SDHB: variants seen among roughly 807,000 people sequenced by gnomAD.
The protein encoded by SDHB is succinate dehydrogenase [ubiquinone] iron-sulfur subunit, mitochondrial.
Under a neutral mutation model 39.7 loss-of-function variants are expected in SDHB, and 21 were observed. That is an observed-to-expected ratio of 0.53 (90% CI 0.37 to 0.76). The LOEUF (loss-of-function observed/expected upper bound fraction) is 0.76, where lower values mean the gene tolerates loss of function less well. SDHB is among the 30% of genes least tolerant of loss of function. SDHB has a pLI of 0.00. For missense variants in SDHB, 343 were observed against 350.9 expected (o/e 0.98, Z 0.18); for synonymous variants, 118 against 117.0 (o/e 1.01, Z -0.06).
chr1:17,027,622 G>T lies in SDHB; in HGVS notation c.540+127C>A, dbSNP rs1348459415. On this transcript the variant is annotated intron_variant, in intron 5 of 7. Transcript: ENST00000375499. ...CTAAGAGGATGAGTGCCCCACCCTT[G>T]TGCCAGTTCCTCTCCAGAATACACT... 7 of 753,852 alleles carry T rather than the reference G, an allele frequency of 9.3e-6. 1 individual carries two copies. Among genetic ancestry groups the T allele is most frequent in the Non-Finnish European group, 1.7e-5 (7 of 413,846 alleles). The allele number at this position is 753,852 out of a possible 1,614,324, so 46.7% of individuals were successfully genotyped here. A position where few individuals can be genotyped will look rare whatever the true frequency, so the allele number is the denominator to read the frequency against.
intron 6 of SDHB, among the ~76,000 whole-genome samples, chr1:17,023,347 T>C (rs1385407629): frequency 1.3e-5 from 2 of 152,214 alleles, no homozygotes; most frequent in African/African-American, 4.8e-5. Flanking sequence ...AATCTTCACA[T>C]GGCTGGGAAT....
intron 7 of SDHB, among the ~76,000 whole-genome samples, chr1:17,022,359 C>T (rs577978962): frequency 6.6e-6 from 1 of 152,280 alleles, no homozygotes; most frequent in South Asian, 2.1e-4. Flanking sequence ...CCTGTGCATC[C>T]TTAACTCCCA....
chr1:17,022,240 A>G (rs997764436), intron 7 of SDHB, among the ~76,000 whole-genome samples: 8 of 152,210 alleles, frequency 5.3e-5, no homozygotes, highest in African/African-American at 1.4e-4. Context: ...AGCAGCTGAC[A>G]TCGCGAGAAA....
At chr1:17,038,479 T>C (rs2078061956) in intron 2 of SDHB, among the ~76,000 whole-genome samples, 1 of 152,362 alleles carries the variant, frequency 6.6e-6, no homozygotes, top group South Asian at 2.1e-4. Context: ...AAATTTTCTA[T>C]GTAAACAATC....
At chr1:17,022,872 C>A (rs2077969923) in intron 6 of SDHB, 142 bp from the exon 7 acceptor site, 1 of 1,083,174 alleles carries the variant, frequency 9.2e-7, no homozygotes, top group Non-Finnish European at 1.3e-6. Context: ...TAATTCTTGT[C>A]CATCTTTCAA....
chr1:17,053,858 A>T lies in SDHB; in HGVS notation c.72+90T>A, dbSNP rs529615455. 7.3e-6 allele frequency: 7 copies of T among 962,526 alleles called. No homozygotes were observed. The East Asian group carries it at 1.3e-4, about 18-fold the overall frequency. The allele number at this position is 962,526 out of a possible 1,614,324, so 59.6% of individuals were successfully genotyped here. A position where few individuals can be genotyped will look rare whatever the true frequency, so the allele number is the denominator to read the frequency against. The stretch of plus-strand genomic sequence containing the variant: ...CTCCATCTCCCTGAGGCCTTGCCCT[A>T]TGCTTCCTCAGTCTCTCCGCAGCCC... On this transcript the variant is annotated intron_variant, in intron 1 of 7. Coordinates refer to ENST00000375499, the MANE Select transcript of SDHB (RefSeq NM_003000.3).
chr1:17,051,833 A>G (rs1159108061), intron 1 of SDHB, among the ~76,000 whole-genome samples: 2 of 150,204 alleles, frequency 1.3e-5, no homozygotes, highest in South Asian at 2.1e-4. Context: ...CAAGATGCAC[A>G]TTTTTTAAAT....
chr1:17,024,222 T>C, intron 5 of SDHB, 148 bp from the exon 6 acceptor site: 1 of 697,764 alleles, frequency 1.4e-6, no homozygotes, highest in Non-Finnish European at 2.6e-6. Flanking sequence ...AGGGGTGATT[T>C]GCAGATATTT....
intron 4 of SDHB, 122 bp downstream of exon 4, chr1:17,028,478 C>G (rs2078003616): frequency 1.0e-6 from 1 of 990,156 alleles, no homozygotes; most frequent in Admixed American, 1.9e-5. Context: ...TATTTACTAT[C>G]TGACTAGAAG....
chr1:17,042,084 G>C (rs923228033), intron 2 of SDHB, among the ~76,000 whole-genome samples: 2 of 152,050 alleles, frequency 1.3e-5, no homozygotes, highest in African/African-American at 4.8e-5. Context: ...ACCATGCCTG[G>C]CTAATTTTTA....
rs535621493 is a variant in SDHB, at chr1:17,043,383, T to C, written c.200+1378A>G. Reference sequence around the variant, plus strand: ...GGTTGCTGAGTATTTGAAAATTTTGTCTATTTAAGAAGGTTATATATCAAT... The same window carrying C: ...GGTTGCTGAGTATTTGAAAATTTTGCCTATTTAAGAAGGTTATATATCAAT... On this transcript the variant is annotated intron_variant, in intron 2 of 7. Transcript: ENST00000375499. Among the ~76,000 whole-genome samples, 7 of 152,322 alleles carry C rather than the reference T, an allele frequency of 4.6e-5. No individual in the cohort carries two copies. In the East Asian group the frequency reaches 1.3e-3, roughly 29 times the overall value.
intron 2 of SDHB, among the ~76,000 whole-genome samples, chr1:17,041,262 A>G (rs998556597): frequency 5.3e-5 from 8 of 152,196 alleles, no homozygotes; most frequent in South Asian, 2.1e-4. Context: ...TTCAAATATT[A>G]TATTTTTCAG....
At chr1:17,022,818 GAA>G in intron 6 of SDHB, 88 bp from the exon 7 acceptor site, 1 of 1,512,212 alleles carries the variant, frequency 6.6e-7, no homozygotes, top group Non-Finnish European at 9.0e-7. Context: ...GAGTGCAGAG[GAA>G]AGGGAATTCA....
intron 7 of SDHB, among the ~76,000 whole-genome samples, chr1:17,020,141 G>A (rs1271302637): frequency 6.6e-6 from 1 of 152,198 alleles, no homozygotes. Flanking sequence ...GTGGGAGGGA[G>A]AATTTTCACT....
chr1:17,046,860 G>A (rs1285735986), intron 1 of SDHB, among the ~76,000 whole-genome samples: 2 of 151,998 alleles, frequency 1.3e-5, no homozygotes, highest in African/African-American at 2.4e-5. Flanking sequence ...TGGGATTACA[G>A]GCATGTGCTA....
At chr1:17,034,927 G>A (rs1036640332) in intron 2 of SDHB, among the ~76,000 whole-genome samples, 3 of 152,020 alleles carry the variant, frequency 2.0e-5, no homozygotes, top group Non-Finnish European at 4.4e-5. Flanking sequence ...CTAGATGCTG[G>A]GGATGTAGCA....
At chr1:17,022,485 A>G (rs1321930759) in intron 7 of SDHB, 123 bp downstream of exon 7, 2 of 1,359,238 alleles carry the variant, frequency 1.5e-6, no homozygotes, top group East Asian at 2.4e-5. Flanking sequence ...GGACAGGCAT[A>G]TGCTGGTCCC....
At chr1:17,052,291 T>C (rs539765005) in intron 1 of SDHB, 3 of 152,362 alleles carry the variant, frequency 2.0e-5, no homozygotes, top group Admixed American at 6.5e-5. Flanking sequence ...ACTATAAGCA[T>C]AAAAAGAATT....
intron 4 of SDHB, 120 bp downstream of exon 4, chr1:17,028,480 G>T: frequency 9.9e-7 from 1 of 1,009,566 alleles, no homozygotes; most frequent in Non-Finnish European, 1.5e-6. Context: ...TTTACTATCT[G>T]ACTAGAAGAG....
Sources: allele counts gnomAD v4.1 joint callset (sites outside exome capture counted in the v4.1 genomes callset), GRCh38; gene constraint gnomAD v4.1.1; transcripts MANE v1.5; gene names NCBI Gene and HGNC (gene_info 2026-07-23, HGNC 2026-07-21).